The following NPAT variants were observed in gnomAD, a reference collection of about 807,000 sequenced individuals.
The protein encoded by NPAT is nuclear protein, coactivator of histone transcription.
In NPAT, 52 loss-of-function variants were observed where a neutral mutation model predicts 130.7. The observed-to-expected ratio is 0.40, with a 90% CI of 0.32 to 0.50. NPAT has a LOEUF of 0.50. Among genes scored for constraint, NPAT ranks in the 20% least tolerant of loss-of-function variants. NPAT has a pLI of 0.68. For missense variants in NPAT, 1,687 were observed against 1,662.6 expected, an observed-to-expected ratio of 1.01 and a Z score of -0.26; for synonymous variants, 580 against 584.8, an observed-to-expected ratio of 0.99 and a Z score of 0.12.
chr11:108,192,936 A>T (rs947944337), intron 3 of NPAT, among the ~76,000 whole-genome samples: 11 of 152,084 alleles, frequency 7.2e-5, no homozygotes, highest in African/African-American at 2.7e-4. Flanking sequence ...CCTGGGCAAC[A>T]GAGCGAGACT....
At chr11:108,208,151 C>T (rs2078347023) in intron 1 of NPAT, among the ~76,000 whole-genome samples, 1 of 152,128 alleles carries the variant, frequency 6.6e-6, no homozygotes, top group Non-Finnish European at 1.5e-5. Context: ...CTGAAATGCT[C>T]CAATGAACAT....
At chr11:108,200,236 T>C (rs945235685) in intron 1 of NPAT, among the ~76,000 whole-genome samples, 11 of 152,206 alleles carry the variant, frequency 7.2e-5, no homozygotes, top group Non-Finnish European at 1.3e-4. Context: ...CTGATTTTTT[T>C]CCCTCTTGGG....
At chr11:108,190,155 C>CA (rs1211493945) in intron 5 of NPAT, among the ~76,000 whole-genome samples, 3 of 149,510 alleles carry the variant, frequency 2.0e-5, no homozygotes, top group African/African-American at 4.9e-5. Context: ...ACTAAAAATA[C>CA]AAAAAAAATT....
rs1200047478 is a variant in NPAT, at chr11:108,197,292, A to G, written c.156+10T>C. ...GATGAAATATTTCCCTTAAGGAACA[A>G]ATAACTCACCAGTAAGCAGGCTGGA... On this transcript the variant is annotated intron_variant, in intron 2 of 17. Transcript: ENST00000278612. 5.4e-6 allele frequency: 8 copies of G among 1,494,522 alleles called. No homozygotes were observed. Among genetic ancestry groups the G allele is most frequent in the Non-Finnish European group, 7.5e-6 (8 of 1,071,170 alleles). The allele number at this position is 1,494,522 out of a possible 1,614,324, so 92.6% of individuals were successfully genotyped here.
intron 7 of NPAT, 21 bp downstream of exon 7, chr11:108,188,077 T>C: frequency 1.3e-6 from 2 of 1,571,396 alleles, no homozygotes; most frequent in South Asian, 1.1e-5. Flanking sequence ...GGGTAACTTG[T>C]CTCTTTTAAA....
chr11:108,183,302 GTAAGA>G (rs1303133234), intron 10 of NPAT, among the ~76,000 whole-genome samples: 1 of 151,860 alleles, frequency 6.6e-6, no homozygotes, highest in Non-Finnish European at 1.5e-5. Context: ...TTATTAAGTG[GTAAGA>G]TAAGAGAGGT....
rs2077817716 is a variant in NPAT, at chr11:108,158,692, C to G, written c.*250G>C. On this transcript the variant is annotated 3_prime_UTR_variant, in exon 18 of 18. Transcript: ENST00000278612. The stretch of plus-strand genomic sequence containing the variant: ...TATTTACAATATGGAATTGTCAAAG[C>G]TATACAGTTTTGCAGATTGGCTTTA... The G allele has an allele frequency of 2.4e-6, 1 of 414,984 alleles. No homozygotes were observed. Among genetic ancestry groups the G allele is most frequent in the South Asian group, 2.4e-5 (1 of 41,744 alleles). The allele number at this position is 414,984 out of a possible 1,614,324, so 25.7% of individuals were successfully genotyped here.
intron 10 of NPAT, among the ~76,000 whole-genome samples, chr11:108,183,553 G>C (rs2134853455): frequency 6.6e-6 from 1 of 152,310 alleles, no homozygotes; most frequent in East Asian, 1.9e-4. Context: ...TGTAATCCCA[G>C]CACTTTGGGA....
At chr11:108,162,297 C>T (rs2134820432) in intron 15 of NPAT, 117 bp from the exon 16 acceptor site, 1 of 848,414 alleles carries the variant, frequency 1.2e-6, no homozygotes, top group Non-Finnish European at 1.9e-6. Flanking sequence ...CTAATGTACA[C>T]ACAAATAGAA....
In NPAT at chr11:108,172,894, T is replaced by C; in HGVS notation, c.2090A>G (p.Asn697Ser). Residue 697 changes from asparagine (N) to serine (S), a missense_variant, in exon 13 of 18, where the codon AAC becomes AGC. Coordinates refer to ENST00000278612, the MANE Select transcript of NPAT (RefSeq NM_002519.3). ...LTPPEGTPVE[N>S]SHSLPPESVC... Reference sequence around the variant, plus strand: ...AGATTCTGGAGGAAGAGAGTGACTGTTTTCTACAGGAGTGCCTTCTGGAGG... The same window carrying C: ...AGATTCTGGAGGAAGAGAGTGACTGCTTTCTACAGGAGTGCCTTCTGGAGG... 6.2e-7 allele frequency: 1 copy of C among 1,614,116 alleles called. No homozygotes were observed. Among genetic ancestry groups the C allele is most frequent in the Non-Finnish European group, 8.5e-7 (1 of 1,180,018 alleles).
At chr11:108,215,641 C>T (rs982381722) in intron 1 of NPAT, among the ~76,000 whole-genome samples, 2 of 152,176 alleles carry the variant, frequency 1.3e-5, no homozygotes, top group Non-Finnish European at 2.9e-5. Context: ...ATAAGGTTGC[C>T]TACAAAGTCA....
At chr11:108,220,414 GTTT>G (rs866334170) in intron 1 of NPAT, among the ~76,000 whole-genome samples, 1 of 151,944 alleles carries the variant, frequency 6.6e-6, no homozygotes. Flanking sequence ...CCAGAAAAGT[GTTT>G]TTTTGTGTGT....
intron 15 of NPAT, among the ~76,000 whole-genome samples, chr11:108,168,449 T>C (rs2077920536): frequency 6.6e-6 from 1 of 152,122 alleles, no homozygotes; most frequent in Non-Finnish European, 1.5e-5. Flanking sequence ...CCTCAATAAG[T>C]CAAAATGCAA....
intron 5 of NPAT, 76 bp from the exon 6 acceptor site, chr11:108,189,406 A>G: frequency 4.2e-6 from 5 of 1,182,432 alleles, no homozygotes; most frequent in Non-Finnish European, 6.3e-6. Flanking sequence ...AATATGATGC[A>G]ACCTATTATA....
At chr11:108,214,821 T>A (rs2078418203) in intron 1 of NPAT, among the ~76,000 whole-genome samples, 1 of 151,982 alleles carries the variant, frequency 6.6e-6, no homozygotes, top group South Asian at 2.1e-4. Flanking sequence ...TTAGTAGAGA[T>A]GGGGTTTTGC....
At chr11:108,208,705 A>G (rs1032722239) in intron 1 of NPAT, 1 of 281,816 alleles carries the variant, frequency 3.5e-6, no homozygotes, top group African/African-American at 2.3e-5. Flanking sequence ...ATTCAACAAT[A>G]AAAGTTGAAG....
intron 1 of NPAT, among the ~76,000 whole-genome samples, chr11:108,212,949 A>C (rs1449469278): frequency 3.6e-5 from 5 of 140,640 alleles, no homozygotes; most frequent in Non-Finnish European, 7.7e-5. Flanking sequence ...CTGTCTCAAA[A>C]AAAAAAAAAA....
At chr11:108,186,608 A>G (rs762220656) in intron 7 of NPAT, 39 bp from the exon 8 acceptor site, 1 of 1,468,382 alleles carries the variant, frequency 6.8e-7, no homozygotes, top group South Asian at 1.1e-5. Context: ...TAACCACTAT[A>G]TTTAACAGAT....
chr11:108,214,496 T>C (rs1358820880), intron 1 of NPAT, among the ~76,000 whole-genome samples: 2 of 152,260 alleles, frequency 1.3e-5, no homozygotes, highest in South Asian at 4.1e-4. Flanking sequence ...TTTGGAGTGA[T>C]GGAAATATTG....
Sources: allele counts gnomAD v4.1 joint callset (sites outside exome capture counted in the v4.1 genomes callset), GRCh38; gene constraint gnomAD v4.1.1; transcripts MANE v1.5; gene names NCBI Gene and HGNC (gene_info 2026-07-23, HGNC 2026-07-21).